CDH13: variants seen among roughly 807,000 people sequenced by gnomAD.
CDH13 encodes the protein cadherin 13.
In CDH13, 24 loss-of-function variants were observed where a neutral mutation model predicts 63.8. That is an observed-to-expected ratio of 0.38 (90% confidence interval 0.27 to 0.53). CDH13 has a LOEUF of 0.53. CDH13 is among the 20% of genes least tolerant of loss of function. The probability of loss-of-function intolerance (pLI) is 0.85; values close to 1 mark genes in which losing one functional copy is unlikely to be tolerated. For synonymous variants in CDH13, 503 were observed against 355.3 expected (o/e 1.42, Z -4.67); for missense variants, 1,049 against 903.1 (o/e 1.16, Z -2.07).
chr16:82,706,671 G>A (rs2031518811), intron 1 of CDH13, among the ~76,000 whole-genome samples: 1 of 151,862 alleles, frequency 6.6e-6, no homozygotes, highest in Admixed American at 6.6e-5. Context: ...AGGTGTGGTG[G>A]TGGGTGCCTG....
intron 5 of CDH13, among the ~76,000 whole-genome samples, chr16:83,232,818 T>G (rs953733689): frequency 1.1e-4 from 17 of 152,294 alleles, no homozygotes; most frequent in African/African-American, 4.1e-4. Context: ...ACCCTCATAT[T>G]TAGGAATTGA....
intron 6 of CDH13, among the ~76,000 whole-genome samples, chr16:83,398,332 T>A (rs2091917815): frequency 1.3e-5 from 2 of 152,200 alleles, no homozygotes; most frequent in African/African-American, 4.8e-5. Flanking sequence ...CAGCTCCTGG[T>A]GGCTCCAGGG....
chr16:82,756,905 C>A (rs1411752315), intron 1 of CDH13, among the ~76,000 whole-genome samples: 1 of 152,218 alleles, frequency 6.6e-6, no homozygotes, highest in South Asian at 2.1e-4. Flanking sequence ...CTCATAAGCT[C>A]TGTGAGGGCC....
At chr16:83,101,127 C>G (rs2151601452) in intron 3 of CDH13, among the ~76,000 whole-genome samples, 1 of 151,964 alleles carries the variant, frequency 6.6e-6, no homozygotes, top group South Asian at 2.1e-4. Context: ...TGACAAAAAT[C>G]CCTGCATTTA....
In CDH13 at chr16:83,060,209, A is replaced by T. The variant is rs1388499451; in HGVS notation, c.366+27991A>T. Among the ~76,000 whole-genome samples, 4 of 152,326 alleles carry T rather than the reference A, an allele frequency of 2.6e-5. No individual in the cohort carries two copies. The East Asian group carries it at 5.8e-4, about 22-fold the overall frequency. ...TGATTGATAAACAATATATTAATAT[A>T]AGATGGATATAAAGCAGATGTATTT... On this transcript the variant is annotated intron_variant, in intron 3 of 13. Coordinates refer to ENST00000567109, the MANE Select transcript of CDH13 (RefSeq NM_001257.5).
At chr16:82,653,125 T>C (rs1910919358) in intron 1 of CDH13, among the ~76,000 whole-genome samples, 1 of 152,182 alleles carries the variant, frequency 6.6e-6, no homozygotes, top group African/African-American at 2.4e-5. Context: ...ACCCATTTTG[T>C]TAATTTACCT....
intron 6 of CDH13, among the ~76,000 whole-genome samples, chr16:83,432,415 T>C (rs1267678922): frequency 6.6e-6 from 1 of 152,118 alleles, no homozygotes; most frequent in Non-Finnish European, 1.5e-5. Flanking sequence ...GGCTCAGAAG[T>C]AGGCTTCAAG....
chr16:82,848,124 C>G (rs1005037196), intron 1 of CDH13, among the ~76,000 whole-genome samples: 1 of 152,144 alleles, frequency 6.6e-6, no homozygotes, highest in Non-Finnish European at 1.5e-5. Context: ...ATGTATTGCT[C>G]TTTGAGAAAG....
chr16:83,220,816 G>T (rs2039678436), intron 5 of CDH13, among the ~76,000 whole-genome samples: 1 of 152,110 alleles, frequency 6.6e-6, no homozygotes, highest in Admixed American at 6.5e-5. Flanking sequence ...GAAATATTTT[G>T]ATCTAAACCT....
intron 5 of CDH13, among the ~76,000 whole-genome samples, chr16:83,242,118 G>A (rs866044077): frequency 1.2e-4 from 18 of 152,128 alleles, no homozygotes; most frequent in African/African-American, 4.3e-4. Context: ...TGGCACCTTT[G>A]TCAAAAATAA....
chr16:83,042,314 C>T (rs1917397402), intron 3 of CDH13, among the ~76,000 whole-genome samples: 1 of 152,186 alleles, frequency 6.6e-6, no homozygotes, highest in Admixed American at 6.5e-5. Flanking sequence ...TGCCTGCTGT[C>T]AGATCAGTAG....
chr16:83,570,965 AT>A (rs1904562296), intron 7 of CDH13, among the ~76,000 whole-genome samples: 1 of 132,794 alleles, frequency 7.5e-6, no homozygotes, highest in Non-Finnish European at 1.6e-5. Context: ...ATATATATAT[AT>A]ATATAAAAAC....
At chr16:83,080,078 G>A (rs541265101) in intron 3 of CDH13, among the ~76,000 whole-genome samples, 4 of 152,238 alleles carry the variant, frequency 2.6e-5, no homozygotes, top group African/African-American at 7.2e-5. Context: ...TTAGGATCCC[G>A]ACAGCAATCT....
chr16:83,315,474 T>C (rs928549816), intron 5 of CDH13, among the ~76,000 whole-genome samples: 2 of 152,208 alleles, frequency 1.3e-5, no homozygotes, highest in Non-Finnish European at 2.9e-5. Flanking sequence ...TCCAGTGAAA[T>C]CACTGCTTTC....
chr16:83,206,835 T>C (rs888791258), intron 4 of CDH13, among the ~76,000 whole-genome samples: 5 of 152,186 alleles, frequency 3.3e-5, no homozygotes, highest in African/African-American at 1.2e-4. Context: ...GACCAGAGTA[T>C]TTTTCTTTAC....
chr16:83,707,836 C>CAAAGAAAAAAAAAAAAAA (rs1907338469), intron 10 of CDH13, among the ~76,000 whole-genome samples: 1 of 78,902 alleles, frequency 1.3e-5, no homozygotes, highest in African/African-American at 5.0e-5. Context: ...ACCCTAAAGG[C>CAAAGAAAAAAAAAAAAAA]AAAAAAAAAA....
At chr16:82,727,001 G>A (rs955268321) in intron 1 of CDH13, among the ~76,000 whole-genome samples, 1 of 152,086 alleles carries the variant, frequency 6.6e-6, no homozygotes, top group Admixed American at 6.6e-5. Flanking sequence ...AACTGCTTTT[G>A]TTCTTCTTCT....
rs1490139832 is a variant in CDH13 at position 83,798,074 on chromosome 16, A to G, written c.*3044A>G. On this transcript the variant is annotated 3_prime_UTR_variant, in exon 14 of 14. Transcript: ENST00000567109. ...GATTTCATGGTAGGTATCAAATAAGACTTTGGCTCTTAAAGAACATCGTTA... is the reference window on the plus strand; with the variant it reads ...GATTTCATGGTAGGTATCAAATAAGGCTTTGGCTCTTAAAGAACATCGTTA... 1 of 152,192 alleles carries G rather than the reference A, an allele frequency of 6.6e-6. No individual in the cohort carries two copies. The highest frequency in any genetic ancestry group is 1.5e-5 in the Non-Finnish European group (1 of 68,036). 9.4% of individuals were successfully genotyped at this position (152,192 alleles called of 1,614,324 possible). A position where few individuals can be genotyped will look rare whatever the true frequency, so the allele number is the denominator to read the frequency against.
intron 1 of CDH13, among the ~76,000 whole-genome samples, chr16:82,678,497 A>C (rs1381781745): frequency 6.6e-6 from 1 of 152,182 alleles, no homozygotes; most frequent in African/African-American, 2.4e-5. Context: ...AGACTTGTAT[A>C]ATCCTAGCTG....
Sources: allele counts gnomAD v4.1 joint callset (sites outside exome capture counted in the v4.1 genomes callset), GRCh38; gene constraint gnomAD v4.1.1; transcripts MANE v1.5; gene names NCBI Gene and HGNC (gene_info 2026-07-23, HGNC 2026-07-21).